ATP13A4: variants seen among roughly 807,000 people sequenced by gnomAD.
The protein encoded by ATP13A4 is probable cation-transporting ATPase 13A4.
Under a neutral mutation model 142.5 loss-of-function variants are expected in ATP13A4, and 114 were observed. The ratio of observed to expected loss-of-function variants is 0.80; its 90% CI spans 0.69 to 0.93. The LOEUF (loss-of-function observed/expected upper bound fraction) is 0.93, where lower values mean the gene tolerates loss of function less well. Among genes scored for constraint, ATP13A4 ranks in the 40% least tolerant of loss-of-function variants. The probability of loss-of-function intolerance (pLI) is 0.00; values close to 1 mark genes in which losing one functional copy is unlikely to be tolerated. For missense variants in ATP13A4, 1,392 were observed against 1,454.0 expected, an observed-to-expected ratio of 0.96 and a Z score of 0.69; for synonymous variants, 488 against 514.8, an observed-to-expected ratio of 0.95 and a Z score of 0.70.
chr3:193,519,125 T>C (rs1721578209), intron 1 of ATP13A4, among the ~76,000 whole-genome samples: 1 of 152,190 alleles, frequency 6.6e-6, no homozygotes, highest in Non-Finnish European at 1.5e-5. Context: ...GGCATTTTAG[T>C]TTCCTCCCAC....
At chr3:193,590,504 C>T (rs1724743147) in intron 1 of ATP13A4, among the ~76,000 whole-genome samples, 1 of 152,144 alleles carries the variant, frequency 6.6e-6, no homozygotes, top group African/African-American at 2.4e-5. Flanking sequence ...AGAAACCATA[C>T]CTACGTCTTA....
rs758528151 is a variant in ATP13A4 at position 193,407,318 on chromosome 3, C to T, written c.3373G>A (p.Ala1125Thr). 1.9e-6 allele frequency: 3 copies of T among 1,611,510 alleles called. No homozygotes were observed. The South Asian group carries it at 3.3e-5, about 18-fold the overall frequency. ...LSLNFIVSLV[A>T]EEAVIENRAL... ...CCCAAGATCAGCACACTTACCTCGGCCACAAGGGACACAATGAAATTCAAG... is the reference window on the plus strand; with the variant it reads ...CCCAAGATCAGCACACTTACCTCGGTCACAAGGGACACAATGAAATTCAAG... The change falls in exon 29 of 30, where the codon GCC (alanine) becomes ACC (threonine). Residue 1125 changes from alanine (A) to threonine (T), a missense_variant. Coordinates refer to ENST00000342695, the MANE Select transcript of ATP13A4 (RefSeq NM_032279.4).
At chr3:193,549,502 T>A (rs1025646818) in intron 1 of ATP13A4, among the ~76,000 whole-genome samples, 1 of 152,024 alleles carries the variant, frequency 6.6e-6, no homozygotes, top group Admixed American at 6.6e-5. Flanking sequence ...TAATTTTTTT[T>A]AAAGTAGAGA....
At chr3:193,477,982 T>C (rs1489383561) in intron 8 of ATP13A4, among the ~76,000 whole-genome samples, 1 of 152,002 alleles carries the variant, frequency 6.6e-6, no homozygotes, top group Non-Finnish European at 1.5e-5. Flanking sequence ...AAAAAATGTG[T>C]AAGACCCACA....
intron 2 of ATP13A4, among the ~76,000 whole-genome samples, chr3:193,512,874 G>A (rs1721214496): frequency 6.6e-6 from 1 of 152,114 alleles, no homozygotes; most frequent in Non-Finnish European, 1.5e-5. Flanking sequence ...AGTCTTATGT[G>A]GGGTGCCGGG....
At chr3:193,521,451 T>A (rs182846036) in intron 1 of ATP13A4, among the ~76,000 whole-genome samples, 10 of 152,276 alleles carry the variant, frequency 6.6e-5, no homozygotes, top group Admixed American at 5.9e-4. Context: ...AGGTAGACTA[T>A]ACAAGGAATA....
intron 2 of ATP13A4, among the ~76,000 whole-genome samples, chr3:193,509,480 C>G (rs373070964): frequency 3.0e-4 from 45 of 152,284 alleles, no homozygotes; most frequent in African/African-American, 1.1e-3. Context: ...GAAGGAAAGC[C>G]TGGCTTTGAT....
intron 1 of ATP13A4, among the ~76,000 whole-genome samples, chr3:193,540,050 T>G (rs997912463): frequency 7.9e-5 from 12 of 152,004 alleles, no homozygotes; most frequent in Admixed American, 2.0e-4. Context: ...AAAGAACGAG[T>G]ACTACCATTG....
intron 15 of ATP13A4, 60 bp downstream of exon 15, chr3:193,457,319 G>A (rs1223248654): frequency 8.8e-6 from 14 of 1,595,610 alleles, no homozygotes; most frequent in African/African-American, 1.3e-5. Context: ...AAAAACTGGG[G>A]GCCAGAAGAG....
chr3:193,402,813 C>T lies in ATP13A4; in HGVS notation c.3430G>A (p.Gly1144Ser), dbSNP rs762123900. The T allele has an allele frequency of 2.5e-5, 40 of 1,613,924 alleles. No individual in the cohort carries two copies. The highest frequency in any genetic ancestry group is 1.2e-4 in the South Asian group (11 of 91,088). Residue 1144 changes from glycine to serine, a missense_variant, in exon 30 of 30, where the codon GGC (glycine) becomes AGC (serine). Transcript: ENST00000342695. ...ALWMMIKRCF[G>S]YQSKSQYRIW... ...CGATACTGGCTTTTTGACTGATAGC[C>T]GAAACATCTTTTAATCATCATCCAC...
intron 2 of ATP13A4, among the ~76,000 whole-genome samples, chr3:193,568,243 G>A (rs1457645006): frequency 6.6e-6 from 1 of 152,148 alleles, no homozygotes; most frequent in Non-Finnish European, 1.5e-5. Flanking sequence ...TTACAGGCAT[G>A]AGCCACCGTG....
chr3:193,417,444 G>T (rs1024650687), intron 25 of ATP13A4, among the ~76,000 whole-genome samples: 1 of 152,294 alleles, frequency 6.6e-6, no homozygotes, highest in Admixed American at 6.5e-5. Context: ...GGGAGATAAC[G>T]CTGCAAAGGA....
intron 1 of ATP13A4, among the ~76,000 whole-genome samples, chr3:193,587,349 C>G (rs1007843290): frequency 3.3e-5 from 5 of 152,246 alleles, no homozygotes; most frequent in African/African-American, 1.2e-4. Context: ...CCTTGGCTTA[C>G]GCCTACATCA....
At chr3:193,565,878 GC>G (rs1250161579) in intron 2 of ATP13A4, among the ~76,000 whole-genome samples, 1 of 152,314 alleles carries the variant, frequency 6.6e-6, no homozygotes, top group East Asian at 1.9e-4. Context: ...ACTGCTCTGA[GC>G]CTCAGTTGAC....
At position 193,467,480 on chromosome 3, in the gene ATP13A4, C is replaced by T. The variant is rs1174443695; in HGVS notation, c.950G>A (p.Ser317Asn). 1 of 1,613,196 alleles carries T rather than the reference C, an allele frequency of 6.2e-7. No individual in the cohort carries two copies. Among genetic ancestry groups the T allele is most frequent in the African/African-American group, 1.3e-5 (1 of 74,898 alleles). The change falls in exon 10 of 30, where the codon AGT becomes AAT. Residue 317 changes from serine to asparagine, a missense_variant. Physicochemically the swap from Ser to Asn is conservative, Grantham distance 46. Coordinates refer to ENST00000342695, the MANE Select transcript of ATP13A4 (RefSeq NM_032279.4). ...TAACGGAGTTTTGGTGACTGGAATA[C>T]TTTCTCCTACAGAAAACAAGCATCT... ...VVDEGMLTGE[S>N]IPVTKTPLPK...
chr3:193,430,399 T>G (rs892740090), intron 25 of ATP13A4, among the ~76,000 whole-genome samples: 9 of 152,100 alleles, frequency 5.9e-5, no homozygotes, highest in African/African-American at 2.2e-4. Context: ...ACAGACTAAA[T>G]GTTGTTCTCA....
At position 193,539,315 on chromosome 3, in the gene ATP13A4, A is replaced by AAC. The variant is rs1722757504; in HGVS notation, c.60+15424_60+15425insGT. Among the ~76,000 whole-genome samples, 12 of 152,366 alleles carry AAC rather than the reference A, an allele frequency of 7.9e-5. No homozygotes were observed. In the South Asian group the frequency reaches 2.5e-3, roughly 32 times the overall value. On this transcript the variant is annotated intron_variant, in intron 1 of 29. Coordinates refer to ENST00000342695, the MANE Select transcript of ATP13A4 (RefSeq NM_032279.4). ...TCATGGCAAGAGTAACACCATCTTG[A>AAC]AGCAAAACCATCACAATGGCCAATG... is the stretch of plus-strand genomic sequence containing the variant.
Position 193,400,188 on chromosome 3 carries a change from C to A in ATP13A4, c.*2464G>T, listed in dbSNP as rs1460879404. On this transcript the variant is annotated 3_prime_UTR_variant, in exon 30 of 30. Coordinates refer to ENST00000342695, the MANE Select transcript of ATP13A4 (RefSeq NM_032279.4). ...CACAGTCCCCTGACTGTTTTCTTTC[C>A]AGGCTGGGCACTCCCTGTTCCTTCA... is the stretch of plus-strand genomic sequence containing the variant. Among the ~76,000 whole-genome samples, 2 of 152,190 alleles carry A rather than the reference C, an allele frequency of 1.3e-5. No homozygotes were observed. Among genetic ancestry groups the A allele is most frequent in the Non-Finnish European group, 2.9e-5 (2 of 68,028 alleles).
At position 193,457,087 on chromosome 3, in the gene ATP13A4, C is replaced by T. The variant is rs1560200617; in HGVS notation, c.1828G>A (p.Val610Ile). The T allele has an allele frequency of 6.2e-7, 1 of 1,613,876 alleles. No individual in the cohort carries two copies. Among genetic ancestry groups the T allele is most frequent in the Non-Finnish European group, 8.5e-7 (1 of 1,180,054 alleles). The stretch of plus-strand genomic sequence containing the variant: ...TCACCTCCCATCTCTTGGACAATGA[C>T]TGTCATTCTTTGCAGTGCCGATGAG... ...PFSSALQRMT[V>I]IVQEMGGDRL... Residue 610 changes from valine (V) to isoleucine (I), a missense_variant, in exon 16 of 30, where the codon GTC becomes ATC. Physicochemically the swap from Val to Ile is conservative, Grantham distance 29 (BLOSUM62 3). Transcript: ENST00000342695.
Sources: allele counts gnomAD v4.1 joint callset (sites outside exome capture counted in the v4.1 genomes callset), GRCh38; gene constraint gnomAD v4.1.1; transcripts MANE v1.5; gene names NCBI Gene and HGNC (gene_info 2026-07-23, HGNC 2026-07-21).